Variants in TNRC18 observed in about 807,000 individuals in gnomAD.
The protein encoded by TNRC18 is trinucleotide repeat containing 18.
TNRC18 carries 69 observed loss-of-function variants against 226.7 expected under a neutral mutation model. The ratio of observed to expected loss-of-function variants is 0.30; its 90% confidence interval spans 0.25 to 0.37. The LOEUF is 0.37. TNRC18 is among the 10% of genes least tolerant of loss of function. The pLI is 1.00. For missense variants in TNRC18, 4,754 were observed against 4,256.6 expected (o/e 1.12, Z -3.25); for synonymous variants, 2,449 against 1,927.6 (o/e 1.27, Z -7.09).
chr7:5,332,345 A>G (rs1280250939), intron 19 of TNRC18, among the ~76,000 whole-genome samples: 2 of 152,076 alleles, frequency 1.3e-5, no homozygotes, highest in African/African-American at 4.8e-5. Flanking sequence ...AGGCAGGAGG[A>G]CTGCTAGAGG....
Position 5,370,624 on chromosome 7 carries a change from C to T in TNRC18, c.3970G>A (p.Glu1324Lys). Residue 1324 changes from glutamate (E) to lysine (K), a missense_variant, in exon 11 of 30, where the codon GAA (glutamate) becomes AAA (lysine). Coordinates refer to ENST00000430969, the MANE Select transcript of TNRC18 (RefSeq NM_001080495.3). ...AGGAACTGGTCAGAGCTTGCCTCTT[C>T]CAGGAAGCAGGTGCTGCCGAGTACA... ...VPVLGSTCFL[E>K]EASSDQFLPS... 1 of 1,613,254 alleles carries T rather than the reference C, an allele frequency of 6.2e-7. No homozygotes were observed. Among genetic ancestry groups the T allele is most frequent in the Non-Finnish European group, 8.5e-7 (1 of 1,179,802 alleles).
In TNRC18 at chr7:5,342,436, AAAAAAAAG is replaced by A. The variant is rs1420422774; in HGVS notation, c.5719+3118_5719+3125del. ...ACAGCGAGACTCAGTCTCAAAAAAA[AAAAAAAAG>A]AAAAAAAGAAGTTGATTCCAACCCT... On this transcript the variant is annotated intron_variant, in intron 18 of 29. Coordinates refer to ENST00000430969, the MANE Select transcript of TNRC18 (RefSeq NM_001080495.3). Among the ~76,000 whole-genome samples the A allele has an allele frequency of 1.1e-4, 17 of 152,216 alleles. No homozygotes were observed. In the East Asian group the frequency reaches 3.3e-3, roughly 29 times the overall value.
Position 5,377,032 on chromosome 7 carries a change from CCCCCAAGCGGTTTGTCCTCGGGCAG to C in TNRC18, c.2462-64_2462-40del. On this transcript the variant is annotated intron_variant, in intron 7 of 29. Transcript: ENST00000430969. This position sits in a 1 kb window ranked among gnomAD's most constrained non-coding sequence, Gnocchi z 5.8. Reference sequence around the variant, plus strand: ...CCCAGGCCTGAGTCAGTGCTGGGAGCCCCCAAGCGGTTTGTCCTCGGGCAGCCCCAGCCCAGCACCACCTCCCAAG... The same window carrying C: ...CCCAGGCCTGAGTCAGTGCTGGGAGCCCCCAGCCCAGCACCACCTCCCAAG... 6.5e-7 allele frequency: 1 copy of C among 1,547,496 alleles called. No individual in the cohort carries two copies. The highest frequency in any genetic ancestry group is 8.7e-7 in the Non-Finnish European group (1 of 1,148,148).
At chr7:5,400,213 A>G (rs1475274195) in intron 2 of TNRC18, among the ~76,000 whole-genome samples, 1 of 152,012 alleles carries the variant, frequency 6.6e-6, no homozygotes, top group African/African-American at 2.4e-5. Flanking sequence ...TATTGTTATT[A>G]TTTATGGTTA....
At chr7:5,374,537 G>A (rs1416771881) in intron 9 of TNRC18, 53 bp from the exon 10 acceptor site, 36 of 1,503,446 alleles carry the variant, frequency 2.4e-5, no homozygotes, top group Admixed American at 6.3e-5. Context: ...CCCCCTCCCC[G>A]ACGCCCGCAC....
chr7:5,386,733 G>C (rs1584017574), intron 5 of TNRC18, among the ~76,000 whole-genome samples: 2 of 152,194 alleles, frequency 1.3e-5, no homozygotes, highest in East Asian at 1.9e-4. Flanking sequence ...CTGGGTAACA[G>C]AGCAAGACTC....
chr7:5,397,893 G>C (rs1014176650), intron 2 of TNRC18, among the ~76,000 whole-genome samples: 2 of 152,136 alleles, frequency 1.3e-5, no homozygotes, highest in African/African-American at 2.4e-5. Flanking sequence ...TGAGGGCGGG[G>C]ACTATCTTCC....
rs1792497717 is a variant in TNRC18 at position 5,357,038 on chromosome 7, G to C, written c.5072C>G (p.Ser1691Cys). ...TGCCCTTTTGTGTTTACCTTCTCTG[G>C]AGGATTTCAGAGACAGGCCGAGGCC... ...AKGLGLSLKS[S>C]REGKHKRAAK... The change falls in exon 16 of 30, where the codon TCC becomes TGC. Residue 1691 changes from serine (S) to cysteine (C), a missense_variant. Physicochemically the swap from Ser to Cys is moderately radical, Grantham distance 112. Coordinates refer to ENST00000430969, the MANE Select transcript of TNRC18 (RefSeq NM_001080495.3). 2 of 1,552,130 alleles carry C rather than the reference G, an allele frequency of 1.3e-6. No individual in the cohort carries two copies. Among genetic ancestry groups the C allele is most frequent in the Non-Finnish European group, 1.7e-6 (2 of 1,147,138 alleles).
chr7:5,318,478 T>G (rs1389648788), intron 24 of TNRC18, among the ~76,000 whole-genome samples: 1 of 151,834 alleles, frequency 6.6e-6, no homozygotes, highest in East Asian at 1.9e-4. Flanking sequence ...CTAGCCCAAG[T>G]TCCAGGGAAA....
At chr7:5,411,064 C>T (rs1243839321) in intron 2 of TNRC18, among the ~76,000 whole-genome samples, 1 of 151,260 alleles carries the variant, frequency 6.6e-6, no homozygotes, top group Admixed American at 6.6e-5. Context: ...CAGAATTACC[C>T]GGGCATGGTG....
At chr7:5,350,153 A>C (rs929260120) in intron 17 of TNRC18, among the ~76,000 whole-genome samples, 2 of 151,418 alleles carry the variant, frequency 1.3e-5, no homozygotes, top group African/African-American at 4.9e-5. Flanking sequence ...GGGAGGGAGA[A>C]GGGGATCGTA....
intron 17 of TNRC18, among the ~76,000 whole-genome samples, chr7:5,350,861 G>A (rs1583871138): frequency 6.6e-6 from 1 of 152,132 alleles, no homozygotes; most frequent in South Asian, 2.1e-4. Context: ...CCCTTGATGC[G>A]GCAACGGAGC....
chr7:5,357,116 T>G lies in TNRC18; in HGVS notation c.4994A>C (p.Tyr1665Ser). 4.5e-6 allele frequency: 7 copies of G among 1,553,660 alleles called. No individual in the cohort carries two copies. Among genetic ancestry groups the G allele is most frequent in the Non-Finnish European group, 6.1e-6 (7 of 1,147,898 alleles). ...CAGCAGGCTGTCGTAAGGAGTCAAG[T>G]ACCTGCCGCAGCCCCCGCTAGTTTT... The part of the protein sequence containing the change: ...KSKTSGGCGR[Y>S]LTPYDSLLGK... Residue 1665 changes from tyrosine (Y) to serine (S), a missense_variant, in exon 16 of 30, where the codon TAC (tyrosine) becomes TCC (serine). Physicochemically the swap from Tyr to Ser is moderately radical, Grantham distance 144. Transcript: ENST00000430969.
chr7:5,351,777 G>T (rs775368775), intron 17 of TNRC18, 42 bp downstream of exon 17: 2 of 1,523,658 alleles, frequency 1.3e-6, no homozygotes, highest in African/African-American at 1.4e-5. Flanking sequence ...GCACTCTCTC[G>T]CTAGGAAACA....
At chr7:5,356,830 C>CGGG (rs59857141) in intron 16 of TNRC18, 86 bp downstream of exon 16, 23 of 807,048 alleles carry the variant, frequency 2.8e-5, no homozygotes, top group Non-Finnish European at 3.3e-5. Flanking sequence ...GAGTGAGGGG[C>CGGG]GGGGGGGGAA....
intron 18 of TNRC18, among the ~76,000 whole-genome samples, chr7:5,335,979 G>T (rs925641867): frequency 1.3e-5 from 2 of 152,010 alleles, no homozygotes; most frequent in African/African-American, 2.4e-5. Context: ...GGCCAAGGCG[G>T]GCAGATCACT....
intron 18 of TNRC18, among the ~76,000 whole-genome samples, chr7:5,341,910 G>A (rs6966389): frequency 0.91 from 138,904 of 152,242 alleles, 63,579 homozygotes; most frequent in East Asian, 1. Context: ...GCTCATTGAC[G>A]ATGTACCTTG....
At chr7:5,387,606 T>C in intron 5 of TNRC18, 66 bp downstream of exon 5, 1 of 1,584,064 alleles carries the variant, frequency 6.3e-7, no homozygotes, top group African/African-American at 1.4e-5. Context: ...GCCCACACTG[T>C]AATGTACGGG....
At chr7:5,308,505 G>C (rs1786823100) in intron 29 of TNRC18, among the ~76,000 whole-genome samples, 193 bp from the exon 30 acceptor site, 1 of 152,122 alleles carries the variant, frequency 6.6e-6, no homozygotes, top group Admixed American at 6.6e-5. Context: ...GAGAGCAAAT[G>C]AGAGACAAGG....
Sources: gnomAD v4.1 joint callset for allele counts (sites outside exome capture counted in the v4.1 genomes callset) on GRCh38, gnomAD v4.1.1 for gene constraint, Gnocchi (gnomAD v3.1) non-coding constraint, MANE v1.5 for transcripts, NCBI Gene and HGNC (gene_info 2026-07-23, HGNC 2026-07-21) for gene names.